The following NRXN3 variants were observed in gnomAD, a reference collection of about 807,000 sequenced individuals.
The protein encoded by NRXN3 is neurexin III.
In NRXN3, 32 loss-of-function variants were observed where a neutral mutation model predicts 137.6. The ratio of observed to expected loss-of-function variants is 0.23; its 90% confidence interval spans 0.18 to 0.31. NRXN3 has a LOEUF of 0.31. NRXN3 is among the 10% of genes least tolerant of loss of function. NRXN3 has a pLI of 1.00. For synonymous variants in NRXN3, 798 were observed against 784.5 expected (o/e 1.02, Z -0.29); for missense variants, 1,574 against 2,062.5 (o/e 0.76, Z 4.59).
chr14:79,849,967 A>G (rs2099388341), intron 20 of NRXN3, among the ~76,000 whole-genome samples: 1 of 152,186 alleles, frequency 6.6e-6, no homozygotes, highest in African/African-American at 2.4e-5. Context: ...TTCCATGTCC[A>G]TGTACAGGGT....
chr14:78,794,867 G>A (rs1175713799), intron 8 of NRXN3, among the ~76,000 whole-genome samples: 1 of 151,872 alleles, frequency 6.6e-6, no homozygotes, highest in Admixed American at 6.6e-5. Context: ...TTGAGTCCAG[G>A]TGTTAGAGAC....
Position 78,403,664 on chromosome 14 carries a change from C to G in NRXN3, c.757+105804C>G, listed in dbSNP as rs3742724. The G allele has an allele frequency of 7.7e-5, 75 of 968,950 alleles. No individual in the cohort carries two copies. The East Asian group carries it at 3.4e-3, about 44-fold the overall frequency. 60.0% of individuals were successfully genotyped at this position (968,950 alleles called of 1,614,324 possible). A position where few individuals can be genotyped will look rare whatever the true frequency, so the allele number is the denominator to read the frequency against. ...GAAGGGTGAGAGAGTTGCAAAATCA[C>G]GAACACCGAGGGCGGTGTTAGGAAG... On this transcript the variant is annotated intron_variant, in intron 4 of 20. Transcript: ENST00000335750.
intron 17 of NRXN3, among the ~76,000 whole-genome samples, chr14:79,684,336 G>A (rs928490386): frequency 5.3e-5 from 8 of 152,204 alleles, no homozygotes; most frequent in South Asian, 4.1e-4. Context: ...CCTAATATGC[G>A]GTCCTGTTAT....
chr14:79,503,510 T>C (rs766589098), intron 16 of NRXN3, among the ~76,000 whole-genome samples: 11 of 152,184 alleles, frequency 7.2e-5, no homozygotes, highest in Non-Finnish European at 1.3e-4. Context: ...GAAATGCCTT[T>C]TTTTTCTGCT....
intron 19 of NRXN3, among the ~76,000 whole-genome samples, chr14:79,778,143 G>T (rs547312401): frequency 2.6e-4 from 39 of 152,286 alleles, no homozygotes; most frequent in Middle Eastern, 3.4e-3. Flanking sequence ...TAGGCTGGGC[G>T]TGGTGGCTCA....
intron 15 of NRXN3, among the ~76,000 whole-genome samples, chr14:79,454,485 G>C (rs546352609): frequency 6.6e-6 from 1 of 152,070 alleles, no homozygotes; most frequent in Non-Finnish European, 1.5e-5. Flanking sequence ...CAAAGTGCTG[G>C]GAATACAGGC....
chr14:79,406,338 T>C (rs186400337), intron 15 of NRXN3, among the ~76,000 whole-genome samples: 144 of 150,042 alleles, frequency 9.6e-4, no homozygotes, highest in African/African-American at 3.4e-3. Context: ...AGGGTCTTGC[T>C]CTGTCACCCA....
intron 15 of NRXN3, among the ~76,000 whole-genome samples, chr14:79,226,022 A>G (rs2070795531): frequency 6.6e-6 from 1 of 152,122 alleles, no homozygotes; most frequent in Admixed American, 6.6e-5. Flanking sequence ...TGGCTGCTGA[A>G]CAACCTCAAT....
Position 79,834,639 on chromosome 14 carries a change from G to A in NRXN3, c.4094-26703G>A, listed in dbSNP as rs1000634467. Among the ~76,000 whole-genome samples the A allele has an allele frequency of 5.9e-5, 9 of 152,062 alleles. No individual in the cohort carries two copies. In the East Asian group the frequency reaches 1.3e-3, roughly 23 times the overall value. Reference sequence around the variant, plus strand: ...AAAAGGGGCTAGTGAAATATTTGCCGAGAGCGGTACTCTAAGTTAACAGTA... The same window carrying A: ...AAAAGGGGCTAGTGAAATATTTGCCAAGAGCGGTACTCTAAGTTAACAGTA... On this transcript the variant is annotated intron_variant, in intron 20 of 20. Coordinates refer to ENST00000335750, the MANE Select transcript of NRXN3 (RefSeq NM_001330195.2).
Position 79,467,202 on chromosome 14 carries a change from T to C in NRXN3, c.3263-19T>C. On this transcript the variant is annotated intron_variant, in intron 15 of 20. Transcript: ENST00000335750. ...GCAATGTAGTGCCTTGATGTCTCCC[T>C]CTCTCCTTGCTTTTGCAGCTGGCGC... 2 of 1,586,172 alleles carry C rather than the reference T, an allele frequency of 1.3e-6. No individual in the cohort carries two copies. The highest frequency in any genetic ancestry group is 1.7e-6 in the Non-Finnish European group (2 of 1,159,276).
At chr14:78,414,801 G>T (rs544009044) in intron 4 of NRXN3, among the ~76,000 whole-genome samples, 1 of 151,700 alleles carries the variant, frequency 6.6e-6, no homozygotes, top group Admixed American at 6.6e-5. Context: ...GAGAAACTGA[G>T]GAAAAACCAC....
chr14:79,437,541 T>C (rs1188930391), intron 15 of NRXN3, among the ~76,000 whole-genome samples: 1 of 152,176 alleles, frequency 6.6e-6, no homozygotes, highest in Non-Finnish European at 1.5e-5. Context: ...TGCAGCCATG[T>C]CAGATTGATA....
chr14:78,497,194 G>T (rs1213709706), intron 4 of NRXN3, among the ~76,000 whole-genome samples: 1 of 152,120 alleles, frequency 6.6e-6, no homozygotes, highest in Non-Finnish European at 1.5e-5. Context: ...GGTATGTGGT[G>T]CCTAGGAAAA....
chr14:78,324,035 C>T (rs184589764), intron 4 of NRXN3, among the ~76,000 whole-genome samples: 1 of 152,174 alleles, frequency 6.6e-6, no homozygotes, highest in African/African-American at 2.4e-5. Context: ...TTATTATCCT[C>T]CTACTACAGA....
chr14:78,923,822 A>G (rs1029145809), intron 10 of NRXN3, among the ~76,000 whole-genome samples: 2 of 152,216 alleles, frequency 1.3e-5, no homozygotes, highest in Admixed American at 1.3e-4. Context: ...GAATGCTACT[A>G]TAATCTTCCA....
At chr14:78,901,110 G>A (rs1207815280) in intron 10 of NRXN3, among the ~76,000 whole-genome samples, 1 of 151,858 alleles carries the variant, frequency 6.6e-6, no homozygotes, top group East Asian at 1.9e-4. Context: ...TTTTCTATCT[G>A]CTTCTGCTCA....
intron 4 of NRXN3, among the ~76,000 whole-genome samples, chr14:78,386,127 T>C (rs1567438430): frequency 6.6e-6 from 1 of 152,116 alleles, no homozygotes; most frequent in Non-Finnish European, 1.5e-5. Context: ...AATAGAGGGA[T>C]AGATAGATGC....
At chr14:79,456,923 A>G (rs951822559) in intron 15 of NRXN3, among the ~76,000 whole-genome samples, 2 of 152,140 alleles carry the variant, frequency 1.3e-5, no homozygotes, top group Non-Finnish European at 2.9e-5. Flanking sequence ...TCTTTCAGTC[A>G]GGATTGATTT....
chr14:79,168,959 T>C (rs1201600964), intron 15 of NRXN3, among the ~76,000 whole-genome samples: 1 of 152,092 alleles, frequency 6.6e-6, no homozygotes, highest in Non-Finnish European at 1.5e-5. Flanking sequence ...CTCTGATTCA[T>C]GTGATGTTCT....
Sources: gnomAD v4.1 joint callset for allele counts (sites outside exome capture counted in the v4.1 genomes callset) on GRCh38, gnomAD v4.1.1 for gene constraint, MANE v1.5 for transcripts, NCBI Gene and HGNC (gene_info 2026-07-23, HGNC 2026-07-21) for gene names.